The following CLVS1 variants were observed in gnomAD, a reference collection of about 807,000 sequenced individuals.
CLVS1 encodes the protein clavesin 1.
A neutral mutation model predicts 33.1 loss-of-function variants in CLVS1; 10 were observed. The ratio of observed to expected loss-of-function variants is 0.30; its 90% confidence interval spans 0.19 to 0.51. The LOEUF is 0.51. Among genes scored for constraint, CLVS1 ranks in the 20% least tolerant of loss-of-function variants. CLVS1 has a pLI of 0.97. For synonymous variants in CLVS1, 163 were observed against 166.1 expected, an observed-to-expected ratio of 0.98 and a Z score of 0.14; for missense variants, 343 against 433.4, an observed-to-expected ratio of 0.79 and a Z score of 1.85.
chr8:61,038,255 G>A, the CLVS1 span, among the ~76,000 whole-genome samples: 8 of 151,986 alleles, frequency 5.3e-5, no homozygotes, highest in South Asian at 2.1e-4. Context: ...TTCTGCTTCC[G>A]TGGCTCCCAA....
Position 61,108,203 on chromosome 8 carries a change from G to A in CLVS1, c.-242-23567G>A, listed in dbSNP as rs150023928. The stretch of plus-strand genomic sequence containing the variant: ...ACTGCACTGCAGCCTGGGTGACAGA[G>A]CAAGACTCCGTCTCAAAAAAAAAAA... On this transcript the variant is annotated intron_variant, in intron 1 of 2. Transcript: ENST00000522621. Among the ~76,000 whole-genome samples the A allele has an allele frequency of 0.026, 3,435 of 132,428 alleles. 241 individuals are homozygous for A. The East Asian group carries it at 0.29, about 11-fold the overall frequency. The allele number at this position is 132,428 out of a possible 152,430, so 86.9% of individuals were successfully genotyped here. A position where few individuals can be genotyped will look rare whatever the true frequency, so the allele number is the denominator to read the frequency against.
At chr8:60,998,729 C>T in the CLVS1 span, among the ~76,000 whole-genome samples, 2 of 152,078 alleles carry the variant, frequency 1.3e-5, no homozygotes, top group Non-Finnish European at 2.9e-5. Context: ...AGGAAGAATC[C>T]ACAGCAAAGC....
intron 2 of CLVS1, among the ~76,000 whole-genome samples, chr8:61,344,640 A>G (rs1056228239): frequency 6.6e-6 from 1 of 152,168 alleles, no homozygotes; most frequent in Admixed American, 6.5e-5. Flanking sequence ...GCTGTCCCTA[A>G]TCTCAGCTGT....
the CLVS1 span, among the ~76,000 whole-genome samples, chr8:61,013,953 G>A: frequency 2.9e-4 from 44 of 152,282 alleles, no homozygotes; most frequent in African/African-American, 9.1e-4. Context: ...GGGCCTCCTG[G>A]GGGACTGAGG....
intron 3 of CLVS1, among the ~76,000 whole-genome samples, chr8:61,429,267 A>G (rs1816020115): frequency 6.6e-6 from 1 of 151,928 alleles, no homozygotes; most frequent in Admixed American, 6.6e-5. Context: ...TAAAAATACA[A>G]AAATTAGCTG....
At chr8:61,294,424 A>G (rs1810113661) in intron 1 of CLVS1, among the ~76,000 whole-genome samples, 1 of 152,158 alleles carries the variant, frequency 6.6e-6, no homozygotes, top group South Asian at 2.1e-4. Context: ...ACTTTAAAAC[A>G]AGCTCATTAT....
chr8:61,446,489 T>A (rs1816761511), intron 3 of CLVS1, among the ~76,000 whole-genome samples: 1 of 152,172 alleles, frequency 6.6e-6, no homozygotes, highest in South Asian at 2.1e-4. Flanking sequence ...GAGGGCCTTC[T>A]TGCTGGTGGG....
At chr8:61,163,896 AG>A (rs1380110333) in intron 2 of CLVS1, among the ~76,000 whole-genome samples, 1 of 152,184 alleles carries the variant, frequency 6.6e-6, no homozygotes, top group Non-Finnish European at 1.5e-5. Context: ...GCTGAGCAAA[AG>A]CTCAGCTCAA....
intron 5 of CLVS1, among the ~76,000 whole-genome samples, chr8:61,483,019 A>C (rs1586041299): frequency 6.6e-6 from 1 of 152,082 alleles, no homozygotes; most frequent in African/African-American, 2.4e-5. Flanking sequence ...TCCTAACATC[A>C]CAATTAAAAG....
At chr8:61,032,992 G>GGAAAGAAA in the CLVS1 span, among the ~76,000 whole-genome samples, 75 of 44,810 alleles carry the variant, frequency 1.7e-3, no homozygotes, top group Non-Finnish European at 2.7e-3. Context: ...AAGGAAGGAA[G>GGAAAGAAA]GAAAGAAAGA....
At chr8:61,100,893 G>A (rs577580350) in intron 1 of CLVS1, among the ~76,000 whole-genome samples, 9 of 152,220 alleles carry the variant, frequency 5.9e-5, no homozygotes, top group African/African-American at 2.2e-4. Context: ...GGTGTAGCAT[G>A]TATCAGTACT....
chr8:61,265,337 C>T (rs1809283496), intron 2 of CLVS1, among the ~76,000 whole-genome samples: 1 of 152,180 alleles, frequency 6.6e-6, no homozygotes, highest in Non-Finnish European at 1.5e-5. Flanking sequence ...AGGTCTGCTG[C>T]TTATTAGCTT....
chr8:61,413,482 G>T lies in CLVS1; in HGVS notation c.630+36703G>T, dbSNP rs924102946. 3.3e-5 allele frequency among the ~76,000 whole-genome samples: 5 copies of T among 152,070 alleles called. No individual in the cohort carries two copies. The East Asian group carries it at 9.6e-4, about 29-fold the overall frequency. ...AGATGGTGGGCTGGACAGGAGAACC[G>T]CATTAATTACAGAAATGATCCAGCA... On this transcript the variant is annotated intron_variant, in intron 3 of 5. Coordinates refer to ENST00000325897, the MANE Select transcript of CLVS1 (RefSeq NM_173519.3).
chr8:60,969,357 T>C, the CLVS1 span, among the ~76,000 whole-genome samples: 506 of 152,310 alleles, frequency 3.3e-3, 4 homozygotes, highest in African/African-American at 0.012. Flanking sequence ...CCTTAGGACA[T>C]AGTATACTCT....
At chr8:61,074,375 T>A (rs936481727) in intron 1 of CLVS1, among the ~76,000 whole-genome samples, 1 of 49,868 alleles carries the variant, frequency 2.0e-5, no homozygotes, top group Non-Finnish European at 3.0e-5. Flanking sequence ...TATATATATA[T>A]AAGTATATGT....
intron 5 of CLVS1, among the ~76,000 whole-genome samples, chr8:61,487,070 T>C (rs1013619577): frequency 1.3e-5 from 2 of 152,194 alleles, no homozygotes; most frequent in African/African-American, 2.4e-5. Context: ...CGAGATCTTG[T>C]TAAAATACAG....
chr8:61,068,853 G>A (rs999561115), intron 1 of CLVS1, among the ~76,000 whole-genome samples: 12 of 152,086 alleles, frequency 7.9e-5, no homozygotes, highest in African/African-American at 2.7e-4. Context: ...TCTTCCTACC[G>A]ATGCCCCCTC....
chr8:61,317,507 G>A (rs1811054065), intron 2 of CLVS1, among the ~76,000 whole-genome samples: 2 of 152,064 alleles, frequency 1.3e-5, no homozygotes, highest in South Asian at 4.1e-4. Context: ...GAATTAATGA[G>A]CAATAAAAAT....
chr8:61,217,510 G>T (rs948497283), intron 2 of CLVS1, among the ~76,000 whole-genome samples: 15 of 152,218 alleles, frequency 9.9e-5, no homozygotes, highest in Admixed American at 6.5e-4. Context: ...TAACCTCATG[G>T]TTCAGTTCAA....
Sources: allele counts gnomAD v4.1 joint callset (sites outside exome capture counted in the v4.1 genomes callset), GRCh38; gene constraint gnomAD v4.1.1; transcripts MANE v1.5; gene names NCBI Gene and HGNC (gene_info 2026-07-23, HGNC 2026-07-21).